Variants in WDR25 observed in about 807,000 individuals in gnomAD.
The protein encoded by WDR25 is WD repeat domain 25, also known as WD repeat-containing protein 25.
In WDR25, 35 loss-of-function variants were observed where a neutral mutation model predicts 47.7. The ratio of observed to expected loss-of-function variants is 0.73; its 90% confidence interval spans 0.56 to 0.97. The LOEUF is 0.97. WDR25 is among the 50% of genes least tolerant of loss of function. The pLI, the probability that WDR25 is intolerant of heterozygous loss-of-function variation, is 0.00. For synonymous variants in WDR25, 248 were observed against 278.9 expected, an observed-to-expected ratio of 0.89 and a Z score of 1.10; for missense variants, 634 against 704.7, an observed-to-expected ratio of 0.90 and a Z score of 1.14.
rs143858584 is a variant in WDR25, at chr14:100,381,124, A to C, written c.200A>C (p.His67Pro). 7,143 of 1,614,192 alleles carry C rather than the reference A, an allele frequency of 4.4e-3. 48 individuals carry two copies. Among genetic ancestry groups the C allele is most frequent in the Non-Finnish European group, 3.9e-3 (4,574 of 1,180,034 alleles). Residue 67 changes from histidine (H) to proline (P), a missense_variant, in exon 2 of 7, where the codon CAT becomes CCT. Transcript: ENST00000402312. ...AAAGCAGGGGCACAGCCCACAAAGC[A>C]TGGCTCCTGTGAAGACCCAGGGGGC... Reference protein sequence around the residue: ...VPKAGAQPTKHGSCEDPGGYR... With the variant: ...VPKAGAQPTKPGSCEDPGGYR...
chr14:100,525,719 A>G lies in WDR25; in HGVS notation c.1102-151A>G, dbSNP rs1566949463. On this transcript the variant is annotated intron_variant, in intron 4 of 6. Transcript: ENST00000402312. The surrounding 1 kb of genome is among the most constrained non-coding windows in gnomAD (Gnocchi z 4.6). ...GGGGCAGGAGGGTCCATGATTCCAT[A>G]TATGGCTTGTGGGTGCTGCTCAGCC... 9 of 862,126 alleles carry G rather than the reference A, an allele frequency of 1.0e-5. No homozygotes were observed. Among genetic ancestry groups the G allele is most frequent in the East Asian group, 5.3e-5 (2 of 37,454 alleles). The allele number at this position is 862,126 out of a possible 1,614,324, so 53.4% of individuals were successfully genotyped here.
chr14:100,454,720 G>A (rs1899145425), intron 2 of WDR25: 1 of 336,470 alleles, frequency 3.0e-6, no homozygotes. Flanking sequence ...AAAATCTGTA[G>A]TGTTACTGGC....
At chr14:100,388,879 G>C (rs1897077339) in intron 2 of WDR25, among the ~76,000 whole-genome samples, 2 of 152,204 alleles carry the variant, frequency 1.3e-5, no homozygotes, top group Non-Finnish European at 2.9e-5. Flanking sequence ...GTGTGAAGGT[G>C]CAGCCTCTGT....
chr14:100,472,418 A>G (rs1363629315), intron 3 of WDR25, among the ~76,000 whole-genome samples: 2 of 152,190 alleles, frequency 1.3e-5, no homozygotes, highest in Admixed American at 1.3e-4. Flanking sequence ...TGTTTCTACC[A>G]CACCACCTGG....
At chr14:100,509,722 T>C (rs965394212) in intron 4 of WDR25, among the ~76,000 whole-genome samples, 4 of 152,220 alleles carry the variant, frequency 2.6e-5, no homozygotes, top group Non-Finnish European at 4.4e-5. Flanking sequence ...GCCCCTGTGT[T>C]TACTTCTAGA....
intron 2 of WDR25, among the ~76,000 whole-genome samples, chr14:100,467,491 C>T (rs188740059): frequency 5.9e-4 from 90 of 152,226 alleles, no homozygotes; most frequent in South Asian, 1.9e-3. Flanking sequence ...CACAGGAATG[C>T]GTTTTCTTTT....
intron 4 of WDR25, among the ~76,000 whole-genome samples, chr14:100,517,118 T>TG (rs1901529150): frequency 6.9e-6 from 1 of 144,454 alleles, no homozygotes; most frequent in Non-Finnish European, 1.5e-5. Flanking sequence ...TTTTTTTTTT[T>TG]TTTTTTTTTT....
intron 2 of WDR25, among the ~76,000 whole-genome samples, chr14:100,416,116 C>T (rs1408855645): frequency 6.6e-6 from 1 of 152,310 alleles, no homozygotes; most frequent in Non-Finnish European, 1.5e-5. Flanking sequence ...CTCTGCTGTC[C>T]AATCAGCCAC....
At chr14:100,475,896 A>ATT (rs1223230107) in intron 3 of WDR25, among the ~76,000 whole-genome samples, 3 of 151,844 alleles carry the variant, frequency 2.0e-5, no homozygotes, top group African/African-American at 7.3e-5. Context: ...ATATATATAT[A>ATT]TATAAAATTA....
intron 2 of WDR25, among the ~76,000 whole-genome samples, chr14:100,390,851 C>T (rs1897128929): frequency 6.6e-6 from 1 of 152,200 alleles, no homozygotes; most frequent in South Asian, 2.1e-4. Flanking sequence ...AGAATTATTA[C>T]CTTTTGAAAA....
intron 4 of WDR25, among the ~76,000 whole-genome samples, chr14:100,487,108 C>T (rs1900412278): frequency 1.3e-5 from 2 of 152,098 alleles, no homozygotes; most frequent in African/African-American, 4.8e-5. Context: ...AGTGCAGACC[C>T]TCGTAAGGTC....
chr14:100,448,466 A>T (rs1010074262), intron 2 of WDR25, among the ~76,000 whole-genome samples: 1 of 152,146 alleles, frequency 6.6e-6, no homozygotes, highest in African/African-American at 2.4e-5. Context: ...AAAGAGAAGC[A>T]CATGCATGCT....
At chr14:100,448,616 C>T (rs535936814) in intron 2 of WDR25, among the ~76,000 whole-genome samples, 4 of 152,252 alleles carry the variant, frequency 2.6e-5, no homozygotes, top group Admixed American at 6.5e-5. Flanking sequence ...GCCAGGACTC[C>T]GTCACCTGCG....
At chr14:100,509,094 G>A (rs1407144094) in intron 4 of WDR25, among the ~76,000 whole-genome samples, 2 of 152,090 alleles carry the variant, frequency 1.3e-5, no homozygotes. Flanking sequence ...CCTCAGAAAA[G>A]TGAACTGAGA....
At position 100,525,798 on chromosome 14, in the gene WDR25, C is replaced by G. The variant is rs1488611468; in HGVS notation, c.1102-72C>G. The G allele has an allele frequency of 8.3e-6, 13 of 1,569,572 alleles. No individual in the cohort carries two copies. Among genetic ancestry groups the G allele is most frequent in the Non-Finnish European group, 1.0e-5 (12 of 1,156,598 alleles). ...ACTAAACCTGCCTGCCCCCTGGGTC[C>G]TTGGCCTTCCCTGCATAGGCGCCTG... On this transcript the variant is annotated intron_variant, in intron 4 of 6. Transcript: ENST00000402312. The surrounding 1 kb of genome is among the most constrained non-coding windows in gnomAD (Gnocchi z 4.6).
At chr14:100,378,694 C>T (rs1896793708) in intron 1 of WDR25, among the ~76,000 whole-genome samples, 1 of 25,428 alleles carries the variant, frequency 3.9e-5, no homozygotes, top group Non-Finnish European at 2.2e-4. Flanking sequence ...CGCGGTGGCT[C>T]ACGCCTGTAA....
Position 100,475,914 on chromosome 14 carries a change from A to T in WDR25, c.970+7746A>T. On this transcript the variant is annotated intron_variant, in intron 3 of 6. Coordinates refer to ENST00000402312, the MANE Select transcript of WDR25 (RefSeq NM_001161476.3). ...TATATATATATAAAATTATTTATCA[A>T]TTAAAATTAATTTAAAATGAAACAA... is the stretch of plus-strand genomic sequence containing the variant. Among the ~76,000 whole-genome samples, 3 of 152,118 alleles carry T rather than the reference A, an allele frequency of 2.0e-5. No individual in the cohort carries two copies. The South Asian group carries it at 6.2e-4, about 32-fold the overall frequency.
At chr14:100,430,000 G>A (rs1019069542) in intron 2 of WDR25, among the ~76,000 whole-genome samples, 4 of 152,124 alleles carry the variant, frequency 2.6e-5, no homozygotes, top group Non-Finnish European at 1.5e-5. Flanking sequence ...GAATTTTGGG[G>A]AAGACACATC....
chr14:100,501,080 C>T (rs150960646), intron 4 of WDR25, among the ~76,000 whole-genome samples: 29 of 152,232 alleles, frequency 1.9e-4, no homozygotes, highest in African/African-American at 7.0e-4. Context: ...GTGCATGGTA[C>T]AGAGGGGTCC....
Sources: gnomAD v4.1 joint callset for allele counts (sites outside exome capture counted in the v4.1 genomes callset) on GRCh38, gnomAD v4.1.1 for gene constraint, Gnocchi (gnomAD v3.1) non-coding constraint, MANE v1.5 for transcripts, NCBI Gene and HGNC (gene_info 2026-07-23, HGNC 2026-07-21) for gene names.